The following PCDHGA11 variants were observed in gnomAD, a reference collection of about 807,000 sequenced individuals.
PCDHGA11 encodes protocadherin gamma-A11.
In PCDHGA11, 39 loss-of-function variants were observed where a neutral mutation model predicts 60.4. That is an observed-to-expected ratio of 0.65 (90% CI 0.50 to 0.84). The LOEUF is 0.84. PCDHGA11 is among the 40% of genes least tolerant of loss of function. The pLI is 0.00. For synonymous variants in PCDHGA11, 533 were observed against 510.3 expected (o/e 1.04, Z -0.60); for missense variants, 1,165 against 1,197.7 (o/e 0.97, Z 0.40).
chr5:141,503,506 G>A (rs2099820313), intron 2 of PCDHGA11, among the ~76,000 whole-genome samples: 1 of 151,616 alleles, frequency 6.6e-6, no homozygotes, highest in African/African-American at 2.4e-5. Context: ...GGCTGAGGCA[G>A]GAGAATCACT....
In PCDHGA11 at chr5:141,491,921, A is replaced by T; in HGVS notation, c.2434-2886A>T. ...CCGGGGGTGGTGGCGACTGTGGGCG[A>T]GGGGAGGTGGGACCGACCCCCACCC... On this transcript the variant is annotated intron_variant, in intron 1 of 3. Coordinates refer to ENST00000398587, the MANE Select transcript of PCDHGA11 (RefSeq NM_018914.3). The surrounding 1 kb of genome is among the most constrained non-coding windows in gnomAD (Gnocchi z 6.9). The T allele has an allele frequency of 1.5e-6, 2 of 1,353,738 alleles. No homozygotes were observed. Among genetic ancestry groups the T allele is most frequent in the Non-Finnish European group, 2.0e-6 (2 of 1,013,388 alleles). 83.9% of individuals were successfully genotyped at this position (1,353,738 alleles called of 1,614,324 possible). A position where few individuals can be genotyped will look rare whatever the true frequency, so the allele number is the denominator to read the frequency against.
At chr5:141,460,483 C>G (rs2098990314) in intron 1 of PCDHGA11, among the ~76,000 whole-genome samples, 1 of 152,046 alleles carries the variant, frequency 6.6e-6, no homozygotes, top group African/African-American at 2.4e-5. Flanking sequence ...ATCCAATTGT[C>G]TCTTTGGAAA....
chr5:141,491,544 C>G lies in PCDHGA11; in HGVS notation c.2434-3263C>G, dbSNP rs546391464. The G allele has an allele frequency of 1.1e-5, 17 of 1,614,018 alleles. No individual in the cohort carries two copies. In the Admixed American group the frequency reaches 1.8e-4, roughly 17 times the overall value. Reference sequence around the variant, plus strand: ...TGGAGGTGACGCTGCGGCCCACAGACTCGCAGAGCCACTGCTACAGGACGT... The same window carrying G: ...TGGAGGTGACGCTGCGGCCCACAGAGTCGCAGAGCCACTGCTACAGGACGT... On this transcript the variant is annotated intron_variant, in intron 1 of 3. Transcript: ENST00000398587. The surrounding 1 kb of genome is among the most constrained non-coding windows in gnomAD (Gnocchi z 6.9).
intron 1 of PCDHGA11, among the ~76,000 whole-genome samples, chr5:141,430,322 C>G (rs1266324669): frequency 6.7e-6 from 1 of 150,364 alleles, no homozygotes; most frequent in Non-Finnish European, 1.5e-5. Flanking sequence ...AGATTAAAAT[C>G]ATTGTTTATA....
chr5:141,499,138 G>A (rs765607930), intron 2 of PCDHGA11, among the ~76,000 whole-genome samples: 12 of 152,144 alleles, frequency 7.9e-5, no homozygotes, highest in Non-Finnish European at 1.5e-4. Flanking sequence ...TCCTTTGGGT[G>A]TCTGATCCCA....
intron 1 of PCDHGA11, among the ~76,000 whole-genome samples, chr5:141,446,891 C>T (rs1457416718): frequency 6.6e-6 from 1 of 152,152 alleles, no homozygotes; most frequent in South Asian, 2.1e-4. Context: ...GGGTTCATGG[C>T]TGAGCTACTT....
chr5:141,443,207 C>T (rs907169095), intron 1 of PCDHGA11, among the ~76,000 whole-genome samples: 5 of 152,064 alleles, frequency 3.3e-5, no homozygotes, highest in African/African-American at 1.2e-4. Context: ...AAGAGCTTGT[C>T]TCGCCAGGCG....
chr5:141,489,375 G>T lies in PCDHGA11; in HGVS notation c.2434-5432G>T. 6.2e-7 allele frequency: 1 copy of T among 1,613,826 alleles called. No homozygotes were observed. Among genetic ancestry groups the T allele is most frequent in the Non-Finnish European group, 8.5e-7 (1 of 1,179,724 alleles). On this transcript the variant is annotated intron_variant, in intron 1 of 3. Transcript: ENST00000398587. This position sits in a 1 kb window ranked among gnomAD's most constrained non-coding sequence, Gnocchi z 4.5. ...AGGAGTCTGAGCCGGGGACGCTGGT[G>T]GGGAATGTTGCTCAGGATCTGGGCT...
At chr5:141,441,554 G>T (rs3805698) in intron 1 of PCDHGA11, 21,236 of 192,824 alleles carry the variant, frequency 0.11, 1,386 homozygotes, top group African/African-American at 0.18. Flanking sequence ...TCCATAGTGT[G>T]CAAGTAGACA....
intron 1 of PCDHGA11, chr5:141,478,834 A>G: frequency 7.0e-7 from 1 of 1,427,896 alleles, no homozygotes; most frequent in Non-Finnish European, 9.2e-7. Context: ...TTGCTAAGGG[A>G]TGGTTAAGCT....
At chr5:141,504,236 C>A (rs1011850372) in intron 2 of PCDHGA11, among the ~76,000 whole-genome samples, 2 of 152,194 alleles carry the variant, frequency 1.3e-5, no homozygotes, top group African/African-American at 4.8e-5. Flanking sequence ...TTCTAAGAAG[C>A]AGAGAGTTCT....
chr5:141,474,180 A>G (rs763042503), intron 1 of PCDHGA11, among the ~76,000 whole-genome samples: 4 of 152,240 alleles, frequency 2.6e-5, no homozygotes, highest in Non-Finnish European at 4.4e-5. Context: ...TGAGAAAACT[A>G]CTTACATTTT....
rs764070772 is a variant in PCDHGA11, at chr5:141,476,415, C to T, written c.2434-18392C>T. ...CTGGATCGAGAGGAGCTGTGTGGGACACTGCCCTCTTGCACTGTAACTCTG... is the reference window on the plus strand; with the variant it reads ...CTGGATCGAGAGGAGCTGTGTGGGATACTGCCCTCTTGCACTGTAACTCTG... On this transcript the variant is annotated intron_variant, in intron 1 of 3. Transcript: ENST00000398587. This position sits in a 1 kb window ranked among gnomAD's most constrained non-coding sequence, Gnocchi z 7.6. 2.5e-6 allele frequency: 4 copies of T among 1,614,098 alleles called. No homozygotes were observed. The South Asian group carries it at 4.4e-5, about 18-fold the overall frequency.
rs60063068 is a variant in PCDHGA11, at chr5:141,477,262, C to T, written c.2434-17545C>T. The T allele has an allele frequency of 1.9e-4, 313 of 1,614,138 alleles. No individual in the cohort carries two copies. In the African/African-American group the frequency reaches 3.7e-3, roughly 19 times the overall value. On this transcript the variant is annotated intron_variant, in intron 1 of 3. Coordinates refer to ENST00000398587, the MANE Select transcript of PCDHGA11 (RefSeq NM_018914.3). This position sits in a 1 kb window ranked among gnomAD's most constrained non-coding sequence, Gnocchi z 4.9. ...TCAGTGTGACTGACCTGGATGCTGG[C>T]GAGAACGGGCTGGTGACCTGCGAAG...
intron 1 of PCDHGA11, chr5:141,424,460 C>T (rs2096822106): frequency 6.6e-6 from 1 of 152,056 alleles, no homozygotes; most frequent in African/African-American, 2.4e-5. Context: ...GTATTATTTC[C>T]TTTTATTCTT....
At chr5:141,433,353 G>C (rs2097584366) in intron 1 of PCDHGA11, 4 of 603,272 alleles carry the variant, frequency 6.6e-6, no homozygotes, top group South Asian at 6.2e-5. Context: ...GCCACCTACT[G>C]TCTGCCTATC....
intron 1 of PCDHGA11, among the ~76,000 whole-genome samples, chr5:141,445,948 G>A (rs538607380): frequency 6.6e-6 from 1 of 152,236 alleles, no homozygotes; most frequent in South Asian, 2.1e-4. Flanking sequence ...GCTTACTCTG[G>A]CTGCTATATG....
intron 1 of PCDHGA11, among the ~76,000 whole-genome samples, chr5:141,474,922 C>G (rs748864870): frequency 3.9e-5 from 6 of 152,238 alleles, no homozygotes; most frequent in Non-Finnish European, 8.8e-5. Flanking sequence ...CATCTCATCT[C>G]TGGCTTATAT....
rs144804989 is a variant in PCDHGA11 at position 141,489,791 on chromosome 5, C to T, written c.2434-5016C>T. 1.9e-6 allele frequency: 3 copies of T among 1,614,056 alleles called. No individual in the cohort carries two copies. Among genetic ancestry groups the T allele is most frequent in the Admixed American group, 1.7e-5 (1 of 60,010 alleles). Reference sequence around the variant, plus strand: ...AGCCACTTCTCTCTGAATGTGAAGACCCTAAAAGATGGGAAGCCATTCCCA... The same window carrying T: ...AGCCACTTCTCTCTGAATGTGAAGATCCTAAAAGATGGGAAGCCATTCCCA... On this transcript the variant is annotated intron_variant, in intron 1 of 3. Transcript: ENST00000398587. This position sits in a 1 kb window ranked among gnomAD's most constrained non-coding sequence, Gnocchi z 4.5.
Sources: allele counts gnomAD v4.1 joint callset (sites outside exome capture counted in the v4.1 genomes callset), GRCh38; gene constraint gnomAD v4.1.1; non-coding constraint Gnocchi (gnomAD v3.1); transcripts MANE v1.5; gene names NCBI Gene and HGNC (gene_info 2026-07-23, HGNC 2026-07-21).